MSRA: variants seen among roughly 807,000 people sequenced by gnomAD.
MSRA encodes the protein methionine sulfoxide reductase A.
MSRA carries 54 observed loss-of-function variants against 31.3 expected under a neutral mutation model. The ratio of observed to expected loss-of-function variants is 1.73; its 90% CI spans 1.39 to 2.17. The LOEUF is 2.17. MSRA is among the 30% of genes most tolerant of loss of function. MSRA has a pLI of 0.00. For synonymous variants in MSRA, 169 were observed against 116.5 expected (o/e 1.45, Z -2.90); for missense variants, 507 against 300.9 (o/e 1.69, Z -5.07).
At chr8:10,216,003 CAT>C (rs1286743862) in intron 2 of MSRA, among the ~76,000 whole-genome samples, 4 of 152,064 alleles carry the variant, frequency 2.6e-5, no homozygotes, top group African/African-American at 9.7e-5. Flanking sequence ...AGAAGAGAAA[CAT>C]AGGTATAGAG....
intron 5 of MSRA, among the ~76,000 whole-genome samples, chr8:10,426,471 A>T (rs1809171848): frequency 6.6e-6 from 1 of 152,256 alleles, no homozygotes; most frequent in African/African-American, 2.4e-5. Context: ...GAGCTGGCAG[A>T]GTCTTGGGTC....
intron 2 of MSRA, among the ~76,000 whole-genome samples, chr8:10,229,557 G>A (rs532806557): frequency 5.3e-5 from 8 of 152,072 alleles, no homozygotes; most frequent in Non-Finnish European, 1.0e-4. Context: ...GATTTAGAGG[G>A]TGTGCCTGCG....
chr8:10,123,260 C>T (rs1263325136), intron 1 of MSRA, among the ~76,000 whole-genome samples: 4 of 152,178 alleles, frequency 2.6e-5, no homozygotes, highest in Non-Finnish European at 4.4e-5. Flanking sequence ...TTTTGATTTG[C>T]ATTTCTCTAA....
intron 5 of MSRA, among the ~76,000 whole-genome samples, chr8:10,349,016 T>C (rs529115528): frequency 1.2e-3 from 185 of 152,296 alleles, no homozygotes; most frequent in Non-Finnish European, 2.1e-3. Flanking sequence ...CAGCCCCGTG[T>C]AGAACACCAG....
chr8:10,379,403 G>A (rs995135897), intron 5 of MSRA, among the ~76,000 whole-genome samples: 1 of 152,194 alleles, frequency 6.6e-6, no homozygotes, highest in South Asian at 2.1e-4. Context: ...TTCTGAACCC[G>A]AGTCTTTTCT....
chr8:10,060,362 G>A (rs952109900), intron 1 of MSRA, among the ~76,000 whole-genome samples: 5 of 152,214 alleles, frequency 3.3e-5, no homozygotes, highest in African/African-American at 9.6e-5. Context: ...GGTCTCAACA[G>A]TGTATATATA....
At chr8:10,391,638 C>T (rs952953728) in intron 5 of MSRA, among the ~76,000 whole-genome samples, 1 of 152,244 alleles carries the variant, frequency 6.6e-6, no homozygotes, top group Non-Finnish European at 1.5e-5. Context: ...CTGGGCCACA[C>T]ACTGGCCATC....
intron 2 of MSRA, among the ~76,000 whole-genome samples, chr8:10,229,924 C>A (rs999792572): frequency 2.0e-5 from 3 of 152,162 alleles, no homozygotes; most frequent in Admixed American, 2.0e-4. Flanking sequence ...CAGTGAATTT[C>A]CACTTTCGAA....
At chr8:10,271,780 G>A (rs1177988916) in intron 3 of MSRA, among the ~76,000 whole-genome samples, 2 of 150,214 alleles carry the variant, frequency 1.3e-5, no homozygotes, top group African/African-American at 2.5e-5. Context: ...GTACAGTGGC[G>A]CGATCTTGGC....
At chr8:10,233,259 C>T (rs1027129828) in intron 2 of MSRA, among the ~76,000 whole-genome samples, 4 of 152,208 alleles carry the variant, frequency 2.6e-5, no homozygotes, top group African/African-American at 9.6e-5. Flanking sequence ...GAAAGTGCTT[C>T]TCTCTTCTTG....
chr8:10,256,288 C>T (rs964124125), intron 3 of MSRA, among the ~76,000 whole-genome samples: 5 of 152,176 alleles, frequency 3.3e-5, no homozygotes, highest in African/African-American at 4.8e-5. Context: ...CCTGTCTTTT[C>T]ACGGCTTGGT....
In MSRA at chr8:10,216,041, C is replaced by T. The variant is rs188462233; in HGVS notation, c.211+8140C>T. ...AACAACTAAAAGGAAAAAAGTTACT[C>T]ATTATTAAATTTAACCCAACTAGCA... On this transcript the variant is annotated intron_variant, in intron 2 of 5. Coordinates refer to ENST00000317173, the MANE Select transcript of MSRA (RefSeq NM_012331.5). Among the ~76,000 whole-genome samples, 159 of 152,252 alleles carry T rather than the reference C, an allele frequency of 1.0e-3. 1 individual carries two copies. In the South Asian group the frequency reaches 0.012, roughly 12 times the overall value.
intron 2 of MSRA, among the ~76,000 whole-genome samples, chr8:10,212,021 AT>A (rs1338256811): frequency 3.3e-5 from 5 of 152,100 alleles, no homozygotes; most frequent in African/African-American, 1.2e-4. Flanking sequence ...CAATTAAAAA[AT>A]ATTTTATATA....
intron 4 of MSRA, among the ~76,000 whole-genome samples, chr8:10,319,240 G>C (rs1031827510): frequency 1.3e-5 from 2 of 152,114 alleles, no homozygotes; most frequent in Non-Finnish European, 2.9e-5. Context: ...CCACAACATG[G>C]TGGCCTACAG....
At chr8:10,232,269 C>G (rs995981748) in intron 2 of MSRA, among the ~76,000 whole-genome samples, 1 of 152,224 alleles carries the variant, frequency 6.6e-6, no homozygotes, top group Admixed American at 6.5e-5. Context: ...TGTTGGTTTC[C>G]ACTCTGACAA....
intron 1 of MSRA, among the ~76,000 whole-genome samples, chr8:10,165,925 A>T (rs1366363030): frequency 1.3e-5 from 2 of 152,212 alleles, no homozygotes; most frequent in Non-Finnish European, 2.9e-5. Context: ...CGAGGCACAG[A>T]GAAGCCAAGC....
At chr8:10,167,837 AC>A (rs1288374957) in intron 1 of MSRA, among the ~76,000 whole-genome samples, 3 of 152,054 alleles carry the variant, frequency 2.0e-5, no homozygotes, top group African/African-American at 7.2e-5. Flanking sequence ...AATTATAGAA[AC>A]CCATGTAACT....
chr8:10,159,141 A>C (rs917791708), intron 1 of MSRA, among the ~76,000 whole-genome samples: 1 of 152,196 alleles, frequency 6.6e-6, no homozygotes, highest in Non-Finnish European at 1.5e-5. Context: ...AATGGTGAGA[A>C]GTGAGTGGAT....
chr8:10,183,488 T>C (rs766554248), intron 1 of MSRA, among the ~76,000 whole-genome samples: 1 of 152,122 alleles, frequency 6.6e-6, no homozygotes, highest in Non-Finnish European at 1.5e-5. Context: ...TGGAAGGCCA[T>C]TGAAGCTACA....
Sources: gnomAD v4.1 joint callset for allele counts (sites outside exome capture counted in the v4.1 genomes callset) on GRCh38, gnomAD v4.1.1 for gene constraint, MANE v1.5 for transcripts, NCBI Gene and HGNC (gene_info 2026-07-23, HGNC 2026-07-21) for gene names.